Variants in PHACTR2 observed in about 807,000 individuals in gnomAD.
PHACTR2 encodes the protein phosphatase and actin regulator 2.
PHACTR2 carries 30 observed loss-of-function variants against 76.0 expected under a neutral mutation model. The observed-to-expected ratio is 0.39, with a 90% CI of 0.30 to 0.54. The LOEUF is 0.54. PHACTR2 is among the 20% of genes least tolerant of loss of function. The pLI is 0.61. For synonymous variants in PHACTR2, 292 were observed against 292.5 expected, an observed-to-expected ratio of 1.00 and a Z score of 0.02; for missense variants, 696 against 781.1, an observed-to-expected ratio of 0.89 and a Z score of 1.30.
rs1324111202 is a variant in PHACTR2, at chr6:143,787,829, TA to T, written c.1708-943del. ...ATGGGTAGTCTGGCTGTATACAGAG[TA>T]TATATAAGAGAGGAAATATATGAAA... On this transcript the variant is annotated intron_variant, in intron 10 of 12. Coordinates refer to ENST00000440869, the MANE Select transcript of PHACTR2 (RefSeq NM_001100164.2). This position sits in a 1 kb window ranked among gnomAD's most constrained non-coding sequence, Gnocchi z 4.6. Among the ~76,000 whole-genome samples the T allele has an allele frequency of 3.9e-5, 6 of 152,150 alleles. No individual in the cohort carries two copies. Among genetic ancestry groups the T allele is most frequent in the African/African-American group, 1.4e-4 (6 of 41,502 alleles).
rs188097153 is a variant in PHACTR2 at position 143,764,972 on chromosome 6, C to A, written c.695-289C>A. Among the ~76,000 whole-genome samples the A allele has an allele frequency of 6.6e-6, 1 of 152,056 alleles. No homozygotes were observed. ...TTTCAAGTGAACCATAGACAAGGGG[C>A]AGAAGATTCTCCCTTTGGCTGGCTC... On this transcript the variant is annotated intron_variant, in intron 5 of 12. Coordinates refer to ENST00000440869, the MANE Select transcript of PHACTR2 (RefSeq NM_001100164.2). This position sits in a 1 kb window ranked among gnomAD's most constrained non-coding sequence, Gnocchi z 4.7.
chr6:143,544,844 T>C (rs1257399034), intron 1 of PHACTR2, among the ~76,000 whole-genome samples: 1 of 152,220 alleles, frequency 6.6e-6, no homozygotes, highest in East Asian at 1.9e-4. Flanking sequence ...ATTAAGTATC[T>C]ATAAATCAAA....
chr6:143,587,424 CTT>C (rs920963154), intron 1 of PHACTR2, among the ~76,000 whole-genome samples: 3 of 152,076 alleles, frequency 2.0e-5, no homozygotes, highest in African/African-American at 7.2e-5. Context: ...AGAATAATGT[CTT>C]TTATTTCCAA....
In PHACTR2 at chr6:143,589,296, G is replaced by A. The variant is rs1416859289; in HGVS notation, c.217+52089G>A. Reference sequence around the variant, plus strand: ...CATGGGGGTGGATTTCCCCCTTGCTGTTGTCATGATAGTGAATGACTTCTC... The same window carrying A: ...CATGGGGGTGGATTTCCCCCTTGCTATTGTCATGATAGTGAATGACTTCTC... On this transcript the variant is annotated intron_variant, in intron 1 of 11. Transcript: ENST00000367584. The surrounding 1 kb of genome is among the most constrained non-coding windows in gnomAD (Gnocchi z 4.4). Among the ~76,000 whole-genome samples the A allele has an allele frequency of 1.3e-5, 2 of 152,170 alleles. No individual in the cohort carries two copies. Among genetic ancestry groups the A allele is most frequent in the African/African-American group, 4.8e-5 (2 of 41,442 alleles).
At chr6:143,740,002 A>G (rs1178349555) in intron 2 of PHACTR2, among the ~76,000 whole-genome samples, 2 of 152,206 alleles carry the variant, frequency 1.3e-5, no homozygotes, top group Non-Finnish European at 2.9e-5. Context: ...CATAAAGTGA[A>G]GTGAAAGCAA....
chr6:143,569,981 C>T (rs1775427611), intron 1 of PHACTR2, among the ~76,000 whole-genome samples: 2 of 152,124 alleles, frequency 1.3e-5, no homozygotes, highest in African/African-American at 4.8e-5. Flanking sequence ...TCACAGAATT[C>T]GATTCAGTAG....
chr6:143,685,880 C>T (rs1038176361), intron 1 of PHACTR2, among the ~76,000 whole-genome samples: 1 of 151,906 alleles, frequency 6.6e-6, no homozygotes, highest in East Asian at 1.9e-4. Context: ...ACCTGTAATC[C>T]CAGCACTTTG....
At chr6:143,788,711 C>T in intron 10 of PHACTR2, 62 bp from the exon 11 acceptor site, 1 of 1,400,608 alleles carries the variant, frequency 7.1e-7, no homozygotes, top group East Asian at 2.5e-5. Context: ...CTATAGAAAA[C>T]TTGCCACCAT....
intron 12 of PHACTR2, among the ~76,000 whole-genome samples, chr6:143,817,299 A>T (rs1776320934): frequency 6.6e-6 from 1 of 152,204 alleles, no homozygotes; most frequent in African/African-American, 2.4e-5. Context: ...AGGGCTAAAT[A>T]ATTGCTAAGT....
At chr6:143,704,705 G>A (rs527392270) in intron 1 of PHACTR2, among the ~76,000 whole-genome samples, 2 of 152,112 alleles carry the variant, frequency 1.3e-5, no homozygotes, top group South Asian at 2.1e-4. Context: ...CCCTAATGTC[G>A]TCTTTTTTTT....
At chr6:143,694,496 C>A (rs6907742) in intron 1 of PHACTR2, among the ~76,000 whole-genome samples, 24,968 of 152,020 alleles carry the variant, frequency 0.16, 2,963 homozygotes, top group African/African-American at 0.34. Context: ...AATGTGAAGC[C>A]CTGTATTTGG....
At chr6:143,615,489 A>T (rs1002471989) in intron 1 of PHACTR2, among the ~76,000 whole-genome samples, 8 of 152,194 alleles carry the variant, frequency 5.3e-5, no homozygotes, top group African/African-American at 1.9e-4. Context: ...ACCCTCTTGG[A>T]TAGAAGTTAG....
In PHACTR2 at chr6:143,739,230, A is replaced by G. The variant is rs145606216; in HGVS notation, c.215-9755A>G. Among the ~76,000 whole-genome samples the G allele has an allele frequency of 0.13, 20,177 of 151,778 alleles. 1,524 individuals are homozygous for G. The highest frequency in any genetic ancestry group is 0.21 in the Middle Eastern group (62 of 292). On this transcript the variant is annotated intron_variant, in intron 2 of 12. Coordinates refer to ENST00000440869, the MANE Select transcript of PHACTR2 (RefSeq NM_001100164.2). This position sits in a 1 kb window ranked among gnomAD's most constrained non-coding sequence, Gnocchi z 4.3. ...TAGGCGTGCACCACCACGCCCATCT[A>G]ATTTTTGTATTTTTAGTAAAGACAG...
In PHACTR2 at chr6:143,591,830, G is replaced by A. The variant is rs1413905554; in HGVS notation, c.217+54623G>A. Among the ~76,000 whole-genome samples the A allele has an allele frequency of 6.6e-6, 1 of 152,204 alleles. No homozygotes were observed. The highest frequency in any genetic ancestry group is 2.4e-5 in the African/African-American group (1 of 41,460). ...ACCCAGACATCCTTTCCTATGCCAT[G>A]TTTTGGTTACTTTGGGCCCTAGAAT... On this transcript the variant is annotated intron_variant, in intron 1 of 11. Transcript: ENST00000367584. This position sits in a 1 kb window ranked among gnomAD's most constrained non-coding sequence, Gnocchi z 6.4.
chr6:143,605,716 C>T (rs1375060932), upstream of PHACTR2, among the ~76,000 whole-genome samples: 1 of 151,818 alleles, frequency 6.6e-6, no homozygotes, highest in Non-Finnish European at 1.5e-5. The surrounding 1 kb of genome is among the most constrained non-coding windows in gnomAD (Gnocchi z 5.0). Flanking sequence ...TCTTGTTTAT[C>T]TCTTAGTGGA....
chr6:143,779,377 C>G (rs1775363598), intron 9 of PHACTR2, among the ~76,000 whole-genome samples: 1 of 148,434 alleles, frequency 6.7e-6, no homozygotes, highest in Non-Finnish European at 1.5e-5. Flanking sequence ...TGAGACGGAG[C>G]CTTGCTCTGT....
In PHACTR2 at chr6:143,595,988, C is replaced by T. The variant is rs1215666859; in HGVS notation, c.217+58781C>T. 6.6e-6 allele frequency among the ~76,000 whole-genome samples: 1 copy of T among 152,130 alleles called. No homozygotes were observed. Among genetic ancestry groups the T allele is most frequent in the Non-Finnish European group, 1.5e-5 (1 of 68,026 alleles). ...GTTCAAACTATTTCTCGTATAAGCA[C>T]TATCTACTGGAGACTCTTAAAATAG... On this transcript the variant is annotated intron_variant, in intron 1 of 11. Transcript: ENST00000367584. This position sits in a 1 kb window ranked among gnomAD's most constrained non-coding sequence, Gnocchi z 4.2.
chr6:143,803,146 C>G lies in PHACTR2; in HGVS notation c.1846-3911C>G, dbSNP rs1290009462. Among the ~76,000 whole-genome samples, 1 of 152,110 alleles carries G rather than the reference C, an allele frequency of 6.6e-6. No individual in the cohort carries two copies. The highest frequency in any genetic ancestry group is 1.5e-5 in the Non-Finnish European group (1 of 68,022). On this transcript the variant is annotated intron_variant, in intron 11 of 12. Transcript: ENST00000440869. This position sits in a 1 kb window ranked among gnomAD's most constrained non-coding sequence, Gnocchi z 4.7. ...ATGAGCCCCATGTTTGTCATTTAACCCTCATCCTGTTTAGAGAAAGAAAGT... is the reference window on the plus strand; with the variant it reads ...ATGAGCCCCATGTTTGTCATTTAACGCTCATCCTGTTTAGAGAAAGAAAGT...
intron 2 of PHACTR2, among the ~76,000 whole-genome samples, chr6:143,726,115 T>C (rs966438615): frequency 6.6e-6 from 1 of 152,208 alleles, no homozygotes; most frequent in Non-Finnish European, 1.5e-5. Context: ...TTAGGGAAAA[T>C]GTGTAGGAAT....
Sources: gnomAD v4.1 joint callset for allele counts (sites outside exome capture counted in the v4.1 genomes callset) on GRCh38, gnomAD v4.1.1 for gene constraint, Gnocchi (gnomAD v3.1) non-coding constraint, MANE v1.5 for transcripts, NCBI Gene and HGNC (gene_info 2026-07-23, HGNC 2026-07-21) for gene names.